The following NEDD4L variants were observed in gnomAD, a reference collection of about 807,000 sequenced individuals.
NEDD4L encodes the protein NEDD4 like E3 ubiquitin protein ligase.
NEDD4L carries 54 observed loss-of-function variants against 148.9 expected under a neutral mutation model. The observed-to-expected ratio is 0.36, with a 90% confidence interval of 0.29 to 0.45. The LOEUF (loss-of-function observed/expected upper bound fraction) is 0.45, where lower values mean the gene tolerates loss of function less well. Among genes scored for constraint, NEDD4L ranks in the 20% least tolerant of loss-of-function variants. The pLI is 1.00. For missense variants in NEDD4L, 856 were observed against 1,233.8 expected, an observed-to-expected ratio of 0.69 and a Z score of 4.59; for synonymous variants, 433 against 440.7, an observed-to-expected ratio of 0.98 and a Z score of 0.22.
chr18:58,207,983 C>T (rs562115154), intron 2 of NEDD4L, among the ~76,000 whole-genome samples: 5 of 152,208 alleles, frequency 3.3e-5, no homozygotes, highest in Admixed American at 1.3e-4. Context: ...GCGGAGGTTG[C>T]AGTGAGCCAA....
At chr18:58,315,049 A>G (rs964346563) in intron 5 of NEDD4L, among the ~76,000 whole-genome samples, 4 of 152,244 alleles carry the variant, frequency 2.6e-5, no homozygotes, top group African/African-American at 4.8e-5. Context: ...AGGTGGCTCA[A>G]GCTGGCTATG....
intron 2 of NEDD4L, among the ~76,000 whole-genome samples, chr18:58,184,191 G>A (rs974247305): frequency 6.6e-6 from 1 of 152,158 alleles, no homozygotes; most frequent in Non-Finnish European, 1.5e-5. Flanking sequence ...GTTGGTAGGA[G>A]GGAATGAGGG....
rs11364817 is a variant in NEDD4L at position 58,203,697 on chromosome 18, ATT to A, written c.122+37849_122+37850del. Reference sequence around the variant, plus strand: ...CCATGACTGGTAAAAACATTTTGCAATTTTTTTTTTTTTTACTTTTTATATAA... The same window carrying A: ...CCATGACTGGTAAAAACATTTTGCAATTTTTTTTTTTTACTTTTTATATAA... On this transcript the variant is annotated intron_variant, in intron 2 of 30. Coordinates refer to ENST00000400345, the MANE Select transcript of NEDD4L (RefSeq NM_001144967.3). Among the ~76,000 whole-genome samples, 1,091 of 146,346 alleles carry A rather than the reference ATT, an allele frequency of 7.5e-3. 9 individuals carry two copies. The highest frequency in any genetic ancestry group is 0.026 in the African/African-American group (1,030 of 39,994).
intron 2 of NEDD4L, among the ~76,000 whole-genome samples, chr18:58,168,214 G>A (rs191145140): frequency 3.9e-5 from 6 of 152,266 alleles, no homozygotes; most frequent in East Asian, 1.9e-4. Flanking sequence ...ATAAGTAGGC[G>A]CACACATTCC....
At chr18:58,132,173 C>G (rs951079617) in intron 1 of NEDD4L, among the ~76,000 whole-genome samples, 1 of 152,108 alleles carries the variant, frequency 6.6e-6, no homozygotes, top group Non-Finnish European at 1.5e-5. Flanking sequence ...TCCATCAGTG[C>G]GTTCAGTCTT....
intron 1 of NEDD4L, among the ~76,000 whole-genome samples, chr18:58,060,064 C>A (rs1402487120): frequency 6.9e-6 from 1 of 143,892 alleles, no homozygotes; most frequent in Non-Finnish European, 1.5e-5. Context: ...AACAAGCAGT[C>A]CGGTTGTAGA....
chr18:58,357,126 A>G, intron 18 of NEDD4L, 68 bp from the exon 19 acceptor site: 2 of 1,414,884 alleles, frequency 1.4e-6, no homozygotes, highest in Non-Finnish European at 1.9e-6. Context: ...TCCTTCCAAA[A>G]CTTTCTTTAC....
intron 1 of NEDD4L, among the ~76,000 whole-genome samples, chr18:58,049,386 A>G (rs2081750022): frequency 6.6e-6 from 1 of 152,220 alleles, no homozygotes. Context: ...GGGAAACCCT[A>G]TGTGCCATCT....
At chr18:58,135,084 C>T (rs2032682514) in intron 1 of NEDD4L, among the ~76,000 whole-genome samples, 1 of 150,692 alleles carries the variant, frequency 6.6e-6, no homozygotes, top group African/African-American at 2.4e-5. Context: ...TTTGGAATTG[C>T]CTGCTCATGT....
rs1478993637 is a variant in NEDD4L at position 58,044,601 on chromosome 18, C to T, written c.-60C>T. On this transcript the variant is annotated 5_prime_UTR_variant, in exon 1 of 31. Coordinates refer to ENST00000400345, the MANE Select transcript of NEDD4L (RefSeq NM_001144967.3). ...CCTGGAGGCAGAGGGGAGAACCGGC[C>T]GTCCGCGCCGCAGCACAGCCGCTGG... 1.8e-5 allele frequency: 28 copies of T among 1,524,812 alleles called. No homozygotes were observed. The highest frequency in any genetic ancestry group is 2.4e-5 in the Non-Finnish European group (27 of 1,136,680). The allele number at this position is 1,524,812 out of a possible 1,614,324, so 94.5% of individuals were successfully genotyped here.
chr18:58,218,444 G>C (rs183235370), intron 2 of NEDD4L, among the ~76,000 whole-genome samples: 69 of 152,278 alleles, frequency 4.5e-4, no homozygotes, highest in African/African-American at 1.6e-3. Context: ...AATTCCAAGG[G>C]AAATGAGCAA....
At chr18:58,108,577 C>T (rs1321194095) in intron 1 of NEDD4L, among the ~76,000 whole-genome samples, 3 of 152,108 alleles carry the variant, frequency 2.0e-5, no homozygotes, top group Non-Finnish European at 4.4e-5. Context: ...TCCGCCACCA[C>T]GCCCAGCTAA....
At chr18:58,135,048 C>A (rs939059307) in intron 1 of NEDD4L, among the ~76,000 whole-genome samples, 9 of 147,298 alleles carry the variant, frequency 6.1e-5, no homozygotes, top group Non-Finnish European at 1.3e-4. Flanking sequence ...TGCCTCAAAT[C>A]AAGGGTTTCA....
chr18:58,214,815 T>TTTTTTTTTTTTTTTTTA (rs1291603873), intron 2 of NEDD4L, among the ~76,000 whole-genome samples: 1 of 127,122 alleles, frequency 7.9e-6, no homozygotes, highest in Admixed American at 8.4e-5. Context: ...TTTTTTTTTT[T>TTTTTTTTTTTTTTTTTA]TTGTTGTTGT....
At chr18:58,070,274 TA>T (rs1317270817) in intron 1 of NEDD4L, among the ~76,000 whole-genome samples, 4 of 152,032 alleles carry the variant, frequency 2.6e-5, no homozygotes, top group Non-Finnish European at 5.9e-5. Context: ...TTTATTTATT[TA>T]TTTTTTTGAG....
intron 13 of NEDD4L, 177 bp downstream of exon 13, chr18:58,335,714 A>G (rs1348616285): frequency 3.7e-6 from 2 of 534,704 alleles, no homozygotes; most frequent in Admixed American, 3.1e-5. Flanking sequence ...GGTACTGGGT[A>G]AAATAGAATG....
At position 58,348,218 on chromosome 18, in the gene NEDD4L, G is replaced by A. The variant is rs930977878; in HGVS notation, c.1576-1319G>A. 2.0e-5 allele frequency among the ~76,000 whole-genome samples: 3 copies of A among 151,584 alleles called. No homozygotes were observed. In the South Asian group the frequency reaches 6.3e-4, roughly 32 times the overall value. ...TTGCTTTGTTGCCCAGGATGGTCTC[G>A]AACTCCTGGGCTCAAGCAGTCCTCC... On this transcript the variant is annotated intron_variant, in intron 16 of 30. Transcript: ENST00000400345.
intron 5 of NEDD4L, 98 bp from the exon 6 acceptor site, chr18:58,315,884 C>T: frequency 9.4e-7 from 1 of 1,068,764 alleles, no homozygotes; most frequent in South Asian, 1.2e-5. Context: ...AGTGCCAGGC[C>T]CTGGACCTTT....
chr18:58,306,766 C>T (rs1001955255), intron 5 of NEDD4L, among the ~76,000 whole-genome samples: 2 of 152,114 alleles, frequency 1.3e-5, no homozygotes, highest in African/African-American at 4.8e-5. Context: ...GCTGAGATTA[C>T]AGGCAACCGC....
Sources: allele counts gnomAD v4.1 joint callset (sites outside exome capture counted in the v4.1 genomes callset), GRCh38; gene constraint gnomAD v4.1.1; transcripts MANE v1.5; gene names NCBI Gene and HGNC (gene_info 2026-07-23, HGNC 2026-07-21).